The following MYPN variants were observed in gnomAD, a reference collection of about 807,000 sequenced individuals.
The protein encoded by MYPN is myopalladin.
MYPN carries 63 observed loss-of-function variants against 129.4 expected under a neutral mutation model. That is an observed-to-expected ratio of 0.49 (90% CI 0.40 to 0.60). The LOEUF (loss-of-function observed/expected upper bound fraction) is 0.60, where lower values mean the gene tolerates loss of function less well. MYPN is among the 20% of genes least tolerant of loss of function. The probability of loss-of-function intolerance (pLI) is 0.00; values close to 1 mark genes in which losing one functional copy is unlikely to be tolerated. For synonymous variants in MYPN, 629 were observed against 600.9 expected (o/e 1.05, Z -0.68); for missense variants, 1,596 against 1,635.4 (o/e 0.98, Z 0.42).
chr10:68,197,227 TC>T (rs1316427124), intron 15 of MYPN, 124 bp from the exon 16 acceptor site: 17 of 932,880 alleles, frequency 1.8e-5, no homozygotes, highest in Non-Finnish European at 2.7e-5. Flanking sequence ...TAGTCCAGCC[TC>T]CCCTTTCCCC....
At chr10:68,129,560 A>G (rs930159258) in intron 2 of MYPN, among the ~76,000 whole-genome samples, 7 of 152,218 alleles carry the variant, frequency 4.6e-5, no homozygotes, top group African/African-American at 1.7e-4. Flanking sequence ...CTAGTATGGT[A>G]CACAAGCTTT....
intron 1 of MYPN, among the ~76,000 whole-genome samples, chr10:68,116,579 T>C (rs1001918257): frequency 6.6e-6 from 1 of 152,020 alleles, no homozygotes; most frequent in Non-Finnish European, 1.5e-5. Flanking sequence ...CTACTGAAAA[T>C]ACAAAAATTA....
intron 12 of MYPN, among the ~76,000 whole-genome samples, chr10:68,183,872 A>G (rs1047445874): frequency 2.6e-5 from 4 of 152,124 alleles, no homozygotes; most frequent in African/African-American, 4.8e-5. Flanking sequence ...AAAATTAAAA[A>G]TTAGCTGGGC....
intron 16 of MYPN, among the ~76,000 whole-genome samples, chr10:68,198,286 A>C (rs955775497): frequency 6.6e-6 from 1 of 152,204 alleles, no homozygotes; most frequent in Non-Finnish European, 1.5e-5. Context: ...AGACATGAAA[A>C]TATGGCTCCA....
rs757015375 is a variant in MYPN, at chr10:68,211,471, A to C, written c.*1016A>C. On this transcript the variant is annotated 3_prime_UTR_variant, in exon 20 of 20. Coordinates refer to ENST00000358913, the MANE Select transcript of MYPN (RefSeq NM_032578.4). Reference sequence around the variant, plus strand: ...AGGGGTTTTGGAAGGAGAGGTCTTTAATAGCTTTGAAATGCTTTGAGATCA... The same window carrying C: ...AGGGGTTTTGGAAGGAGAGGTCTTTCATAGCTTTGAAATGCTTTGAGATCA... 14 of 453,948 alleles carry C rather than the reference A, an allele frequency of 3.1e-5. No homozygotes were observed. Among genetic ancestry groups the C allele is most frequent in the Non-Finnish European group, 6.2e-5 (14 of 226,794 alleles). 28.1% of individuals were successfully genotyped at this position (453,948 alleles called of 1,614,324 possible).
upstream of MYPN, among the ~76,000 whole-genome samples, chr10:68,104,052 T>A (rs976279801): frequency 6.6e-6 from 1 of 152,216 alleles, no homozygotes; most frequent in Non-Finnish European, 1.5e-5. Flanking sequence ...TAAGGCGTAA[T>A]TTCCTCCCAG....
At chr10:68,100,836 G>A (rs2041978246) in intron 1 of MYPN, among the ~76,000 whole-genome samples, 4 of 152,050 alleles carry the variant, frequency 2.6e-5, no homozygotes, top group Admixed American at 2.6e-4. Flanking sequence ...ACTGGTGCAT[G>A]GTGAACATAC....
intron 1 of MYPN, among the ~76,000 whole-genome samples, chr10:68,089,243 G>T (rs531164305): frequency 6.6e-6 from 1 of 152,110 alleles, no homozygotes; most frequent in African/African-American, 2.4e-5. Flanking sequence ...CGTTGGCCAG[G>T]CTGGTCTTGA....
intron 18 of MYPN, 86 bp downstream of exon 18, chr10:68,202,080 T>C: frequency 1.4e-6 from 2 of 1,466,830 alleles, no homozygotes; most frequent in South Asian, 1.1e-5. Flanking sequence ...TATTTGAGTC[T>C]GGCTTACTTC....
chr10:68,183,814 A>C lies in MYPN; in HGVS notation c.2704-5091A>C, dbSNP rs193268783. On this transcript the variant is annotated intron_variant, in intron 12 of 19. Coordinates refer to ENST00000358913, the MANE Select transcript of MYPN (RefSeq NM_032578.4). ...CAAAGTGGGAGGATTGCTTGAGCCC[A>C]GTTCAAGACCAGCCTGGGCAATATA... is the stretch of plus-strand genomic sequence containing the variant. 2.6e-5 allele frequency among the ~76,000 whole-genome samples: 4 copies of C among 152,210 alleles called. No homozygotes were observed. The East Asian group carries it at 7.7e-4, about 29-fold the overall frequency.
At chr10:68,161,968 G>T in intron 8 of MYPN, 1 of 423,588 alleles carries the variant, frequency 2.4e-6, no homozygotes, top group South Asian at 3.3e-5. Context: ...TTCAAGACCA[G>T]CCTGGCCTAC....
intron 18 of MYPN, among the ~76,000 whole-genome samples, chr10:68,203,718 C>CAGAGAGAGAGAGAG (rs1338807696): frequency 1.4e-5 from 1 of 69,428 alleles, no homozygotes; most frequent in South Asian, 4.3e-4. Context: ...CACATACACA[C>CAGAGAGAGAGAGAG]ACAGAGAGAG....
intron 4 of MYPN, among the ~76,000 whole-genome samples, chr10:68,147,728 T>C (rs753770426): frequency 9.9e-5 from 15 of 152,186 alleles, no homozygotes; most frequent in Non-Finnish European, 1.6e-4. Flanking sequence ...TCAGGTTCTC[T>C]GGCAAGATCC....
chr10:68,102,163 C>G (rs1203603649), upstream of MYPN, among the ~76,000 whole-genome samples: 1 of 118,350 alleles, frequency 8.4e-6, no homozygotes, highest in Non-Finnish European at 1.6e-5. Context: ...TCTCATTTTA[C>G]TGCAGCCCAG....
intron 7 of MYPN, 99 bp downstream of exon 7, chr10:68,158,726 G>C: frequency 1.1e-6 from 1 of 908,098 alleles, no homozygotes; most frequent in Non-Finnish European, 1.7e-6. Flanking sequence ...TAAAAATATA[G>C]TCAAAAAGAA....
intron 2 of MYPN, among the ~76,000 whole-genome samples, chr10:68,129,330 CAT>C (rs2042374510): frequency 6.6e-6 from 1 of 152,174 alleles, no homozygotes; most frequent in African/African-American, 2.4e-5. Context: ...GTAACTTTTA[CAT>C]GTTTTAAAAC....
intron 1 of MYPN, among the ~76,000 whole-genome samples, chr10:68,121,173 A>C (rs2042235513): frequency 6.6e-6 from 1 of 152,084 alleles, no homozygotes; most frequent in Non-Finnish European, 1.5e-5. Flanking sequence ...AGCTACGTGC[A>C]AGGGTGAGGT....
intron 13 of MYPN, among the ~76,000 whole-genome samples, chr10:68,191,719 C>T (rs2043516871): frequency 6.6e-6 from 1 of 152,150 alleles, no homozygotes; most frequent in Non-Finnish European, 1.5e-5. Context: ...AGATCTTTCA[C>T]TTCTTTGGTT....
intron 3 of MYPN, among the ~76,000 whole-genome samples, chr10:68,143,806 G>A (rs2042615343): frequency 6.6e-6 from 1 of 152,142 alleles, no homozygotes; most frequent in Non-Finnish European, 1.5e-5. Flanking sequence ...CCAAGCTGGA[G>A]TGCAGTGACA....
Sources: allele counts gnomAD v4.1 joint callset (sites outside exome capture counted in the v4.1 genomes callset), GRCh38; gene constraint gnomAD v4.1.1; transcripts MANE v1.5; gene names NCBI Gene and HGNC (gene_info 2026-07-23, HGNC 2026-07-21).